PPP4R4: variants seen among roughly 807,000 people sequenced by gnomAD.
PPP4R4 encodes the protein serine/threonine-protein phosphatase 4 regulatory subunit 4.
PPP4R4 carries 70 observed loss-of-function variants against 121.8 expected under a neutral mutation model. The ratio of observed to expected loss-of-function variants is 0.57; its 90% CI spans 0.47 to 0.70. PPP4R4 has a LOEUF of 0.70. Ranked by LOEUF, PPP4R4 falls within the 30% of genes least tolerant of loss-of-function variation. PPP4R4 has a pLI of 0.00. For missense variants in PPP4R4, 875 were observed against 1,033.6 expected, an observed-to-expected ratio of 0.85 and a Z score of 2.10; for synonymous variants, 348 against 355.7, an observed-to-expected ratio of 0.98 and a Z score of 0.24.
intron 3 of PPP4R4, among the ~76,000 whole-genome samples, chr14:94,215,946 A>G (rs908117995): frequency 1.2e-4 from 18 of 152,234 alleles, no homozygotes; most frequent in African/African-American, 4.3e-4. Context: ...ATATAGTTAT[A>G]TTAGCTGGTA....
chr14:94,228,287 G>A (rs904050169), intron 3 of PPP4R4, among the ~76,000 whole-genome samples: 1 of 152,200 alleles, frequency 6.6e-6, no homozygotes, highest in Non-Finnish European at 1.5e-5. Context: ...TGCAGAGTCC[G>A]TGAGGAAGAA....
chr14:94,246,629 A>G, intron 14 of PPP4R4, 90 bp downstream of exon 14: 1 of 1,359,120 alleles, frequency 7.4e-7, no homozygotes, highest in South Asian at 1.4e-5. Context: ...ATAGTAGAAC[A>G]AACTCAGTTC....
At chr14:94,268,519 C>A (rs1209734747) in intron 23 of PPP4R4, among the ~76,000 whole-genome samples, 1 of 152,178 alleles carries the variant, frequency 6.6e-6, no homozygotes, top group Non-Finnish European at 1.5e-5. Context: ...CTAAAACTTA[C>A]ATCCAAAGTC....
At chr14:94,226,717 A>G (rs1217247304) in intron 3 of PPP4R4, among the ~76,000 whole-genome samples, 1 of 152,180 alleles carries the variant, frequency 6.6e-6, no homozygotes, top group Non-Finnish European at 1.5e-5. Context: ...GTGTTTTAAT[A>G]TAGAAGTCCC....
At chr14:94,217,525 C>A (rs1202596803) in intron 3 of PPP4R4, among the ~76,000 whole-genome samples, 4 of 152,046 alleles carry the variant, frequency 2.6e-5, no homozygotes, top group Admixed American at 1.3e-4. Context: ...GGAAAACTTA[C>A]CAAAACATAA....
chr14:94,235,549 A>G lies in PPP4R4; in HGVS notation c.731+880A>G, dbSNP rs907088219. ...CAAGTAGCTGGGACTACAGGTGCCC[A>G]CCACCACGCCCGGCTAATTTTTTGT... On this transcript the variant is annotated intron_variant, in intron 7 of 24. Coordinates refer to ENST00000304338, the MANE Select transcript of PPP4R4 (RefSeq NM_058237.2). 6.0e-5 allele frequency among the ~76,000 whole-genome samples: 9 copies of G among 151,096 alleles called. No homozygotes were observed. In the South Asian group the frequency reaches 1.7e-3, roughly 28 times the overall value.
At chr14:94,273,598 G>A (rs1441653809) in intron 23 of PPP4R4, among the ~76,000 whole-genome samples, 1 of 152,124 alleles carries the variant, frequency 6.6e-6, no homozygotes, top group African/African-American at 2.4e-5. Flanking sequence ...GAATCCTAAT[G>A]TGAACTGTGG....
intron 7 of PPP4R4, 98 bp from the exon 8 acceptor site, chr14:94,237,467 A>T: frequency 3.5e-6 from 4 of 1,151,152 alleles, no homozygotes; most frequent in Non-Finnish European, 4.9e-6. Flanking sequence ...ATGATTTTTC[A>T]TATTTTCTGC....
intron 2 of PPP4R4, among the ~76,000 whole-genome samples, chr14:94,200,035 G>A (rs1890091070): frequency 6.6e-6 from 1 of 152,092 alleles, no homozygotes; most frequent in Admixed American, 6.5e-5. Context: ...TGGTACCCTA[G>A]TCAGGGAACA....
intron 1 of PPP4R4, 184 bp from the exon 2 acceptor site, chr14:94,175,870 C>T: frequency 1.7e-6 from 1 of 592,882 alleles, no homozygotes; most frequent in Non-Finnish European, 3.0e-6. Flanking sequence ...CCCCAAACCA[C>T]CCAATTAGAG....
chr14:94,188,332 A>G lies in PPP4R4; in HGVS notation c.191+12205A>G, dbSNP rs74074232. 3.1e-3 allele frequency among the ~76,000 whole-genome samples: 475 copies of G among 152,100 alleles called. 2 individuals carry two copies. Among genetic ancestry groups the G allele is most frequent in the African/African-American group, 0.011 (459 of 41,518 alleles). Reference sequence around the variant, plus strand: ...GTCTTTTTATATGTTTCTAGACTCTATTTGCTAATATTTTGTGGAGGATTT... The same window carrying G: ...GTCTTTTTATATGTTTCTAGACTCTGTTTGCTAATATTTTGTGGAGGATTT... On this transcript the variant is annotated intron_variant, in intron 2 of 24. Transcript: ENST00000304338.
intron 16 of PPP4R4, among the ~76,000 whole-genome samples, chr14:94,253,937 A>C (rs1294972482): frequency 1.3e-5 from 2 of 152,186 alleles, no homozygotes; most frequent in East Asian, 3.9e-4. Context: ...GGGTGGTAGG[A>C]TCATGTTGGT....
At chr14:94,258,573 T>C (rs1893600145) in intron 17 of PPP4R4, among the ~76,000 whole-genome samples, 1 of 152,180 alleles carries the variant, frequency 6.6e-6, no homozygotes. Flanking sequence ...TTAAAAACTT[T>C]CAAAAGTTAA....
At chr14:94,251,392 GGAA>G (rs1240684926) in intron 15 of PPP4R4, among the ~76,000 whole-genome samples, 1 of 152,030 alleles carries the variant, frequency 6.6e-6, no homozygotes, top group Non-Finnish European at 1.5e-5. Flanking sequence ...TCTTTTAAGA[GGAA>G]GAAGTATGTG....
At chr14:94,242,457 T>C in intron 11 of PPP4R4, 49 bp downstream of exon 11, 1 of 1,531,630 alleles carries the variant, frequency 6.5e-7, no homozygotes, top group Non-Finnish European at 9.0e-7. Flanking sequence ...TAATTCTACC[T>C]ATGTATACTA....
chr14:94,227,854 G>T (rs190550838), intron 3 of PPP4R4: 2 of 986,546 alleles, frequency 2.0e-6, no homozygotes, highest in African/African-American at 3.5e-5. Flanking sequence ...AAACCTGTAA[G>T]TGATGTATAC....
Position 94,251,764 on chromosome 14 carries a change from A to G in PPP4R4, c.1733A>G (p.Lys578Arg). 6.4e-7 allele frequency: 1 copy of G among 1,553,908 alleles called. No individual in the cohort carries two copies. The highest frequency in any genetic ancestry group is 8.7e-7 in the Non-Finnish European group (1 of 1,154,958). ...QKLIEQLGQG[K>R]SYWNRLRFLD... ...TTGTTTCTAGAATTGGGCCAAGGAA[A>G]AAGTTACTGGAATAGACTTCGATTT... Residue 578 changes from lysine to arginine, a missense_variant, in exon 16 of 25, where the codon AAA becomes AGA. Lys to Arg is a conservative substitution (Grantham distance 26). Coordinates refer to ENST00000304338, the MANE Select transcript of PPP4R4 (RefSeq NM_058237.2).
At chr14:94,256,737 T>C in intron 17 of PPP4R4, 133 bp downstream of exon 17, 2 of 1,036,694 alleles carry the variant, frequency 1.9e-6, no homozygotes, top group Non-Finnish European at 2.7e-6. Flanking sequence ...TAAGAATTAG[T>C]AAATGATTTG....
chr14:94,187,693 C>T (rs1055398596), intron 2 of PPP4R4, among the ~76,000 whole-genome samples: 6 of 151,564 alleles, frequency 4.0e-5, no homozygotes. Flanking sequence ...GTTGTCATGT[C>T]TCCTTAGTCT....
Sources: allele counts gnomAD v4.1 joint callset (sites outside exome capture counted in the v4.1 genomes callset), GRCh38; gene constraint gnomAD v4.1.1; transcripts MANE v1.5; gene names NCBI Gene and HGNC (gene_info 2026-07-23, HGNC 2026-07-21).